The following RIPOR2 variants were observed in gnomAD, a reference collection of about 807,000 sequenced individuals.
The protein encoded by RIPOR2 is RHO family interacting cell polarization regulator 2, also known as rho family-interacting cell polarization regulator 2.
A neutral mutation model predicts 114.5 loss-of-function variants in RIPOR2; 39 were observed. The ratio of observed to expected loss-of-function variants is 0.34; its 90% CI spans 0.26 to 0.44. The LOEUF is 0.44. RIPOR2 is among the 20% of genes least tolerant of loss of function. The pLI, the probability that RIPOR2 is intolerant of heterozygous loss-of-function variation, is 1.00. For missense variants in RIPOR2, 1,007 were observed against 1,255.1 expected, an observed-to-expected ratio of 0.80 and a Z score of 2.99; for synonymous variants, 445 against 484.4, an observed-to-expected ratio of 0.92 and a Z score of 1.07.
chr6:24,848,040 T>G lies in RIPOR2; in HGVS notation c.1149A>C (p.Lys383Asn). ...SQGTPETPTFKDHSFFSNLPD... is the reference protein window; with the variant it reads ...SQGTPETPTFNDHSFFSNLPD... ...CTGAACTTACAAAGAAGGAGTGGTC[T>G]TTGAAGGTGGGCGTTTCCGGGGTAC... is the stretch of plus-strand genomic sequence containing the variant. Residue 383 changes from lysine to asparagine, a missense_variant, in exon 12 of 22, where the codon AAA becomes AAC. Coordinates refer to ENST00000643898, the MANE Select transcript of RIPOR2 (RefSeq NM_001286445.3). The G allele has an allele frequency of 6.2e-7, 1 of 1,613,990 alleles. No individual in the cohort carries two copies. Among genetic ancestry groups the G allele is most frequent in the Non-Finnish European group, 8.5e-7 (1 of 1,179,870 alleles).
At chr6:24,876,924 T>C (rs1399231646) in intron 1 of RIPOR2, 1 of 971,964 alleles carries the variant, frequency 1.0e-6, no homozygotes, top group Non-Finnish European at 1.2e-6. Context: ...CTATTCCTTT[T>C]AGATCAGGAG....
intron 1 of RIPOR2, among the ~76,000 whole-genome samples, chr6:25,009,669 T>C (rs1429982866): frequency 1.3e-5 from 2 of 152,170 alleles, no homozygotes; most frequent in Non-Finnish European, 2.9e-5. Context: ...GAAACCGTGT[T>C]TTAAATGGTG....
intron 1 of RIPOR2, among the ~76,000 whole-genome samples, chr6:25,006,491 A>G (rs1018032979): frequency 3.3e-5 from 5 of 152,076 alleles, no homozygotes; most frequent in African/African-American, 1.2e-4. Flanking sequence ...TTGCCACCTC[A>G]CCCCCACAAA....
chr6:25,040,749 C>T (rs9348660), intron 1 of RIPOR2, among the ~76,000 whole-genome samples: 35,905 of 151,900 alleles, frequency 0.24, 4,855 homozygotes, highest in Admixed American at 0.36. Context: ...TCCACCACCA[C>T]GCCCGGCTAA....
chr6:24,836,265 C>T (rs952316654), intron 14 of RIPOR2, among the ~76,000 whole-genome samples: 26 of 152,208 alleles, frequency 1.7e-4, no homozygotes, highest in Admixed American at 5.9e-4. Flanking sequence ...AAAGGCAATA[C>T]CATTAAGAAA....
At chr6:25,040,608 T>TG (rs71790358) in intron 1 of RIPOR2, among the ~76,000 whole-genome samples, 1 of 145,424 alleles carries the variant, frequency 6.9e-6, no homozygotes, top group Admixed American at 6.8e-5. Context: ...TTTTTTTTTT[T>TG]CGAGACAGAG....
At chr6:24,841,755 C>A (rs1761744125) in intron 13 of RIPOR2, among the ~76,000 whole-genome samples, 1 of 151,852 alleles carries the variant, frequency 6.6e-6, no homozygotes, top group Non-Finnish European at 1.5e-5. Context: ...GTAGTTGGGA[C>A]TACAGGTGTG....
intron 1 of RIPOR2, among the ~76,000 whole-genome samples, chr6:24,911,386 C>A (rs1274015366): frequency 1.3e-5 from 2 of 151,966 alleles, no homozygotes; most frequent in Non-Finnish European, 2.9e-5. Flanking sequence ...AGGAAAGGAG[C>A]CGAGGCAAGG....
chr6:24,860,814 T>C, intron 8 of RIPOR2, among the ~76,000 whole-genome samples, 159 bp downstream of exon 8: 1 of 152,190 alleles, frequency 6.6e-6, no homozygotes, highest in Non-Finnish European at 1.5e-5. Context: ...AGCCTCAGGA[T>C]GAGAAGCATC....
At chr6:24,970,290 T>C (rs1331722925) in intron 1 of RIPOR2, among the ~76,000 whole-genome samples, 1 of 152,182 alleles carries the variant, frequency 6.6e-6, no homozygotes, top group Non-Finnish European at 1.5e-5. Context: ...AAGTCTTCAA[T>C]AAGCCTCTAT....
chr6:24,839,124 G>A lies in RIPOR2; in HGVS notation c.2006C>T (p.Ser669Leu), dbSNP rs1322142992. ...EVCNVGGGAD[S>L]VFSDTETEKH... Reference sequence around the variant, plus strand: ...CTCAGTCTCAGTGTCTGAAAATACTGAGTCAGCACCTCCGCCAACATTACA... The same window carrying A: ...CTCAGTCTCAGTGTCTGAAAATACTAAGTCAGCACCTCCGCCAACATTACA... The change falls in exon 14 of 22, where the codon TCA becomes TTA. Residue 669 changes from serine (S) to leucine (L), a missense_variant. Ser to Leu is a moderately radical substitution (Grantham distance 145). Transcript: ENST00000643898. 2.6e-6 allele frequency: 4 copies of A among 1,551,558 alleles called. No individual in the cohort carries two copies. Among genetic ancestry groups the A allele is most frequent in the Non-Finnish European group, 3.5e-6 (4 of 1,146,914 alleles).
At chr6:24,878,098 C>T (rs529419367) in intron 1 of RIPOR2, among the ~76,000 whole-genome samples, 94 of 152,206 alleles carry the variant, frequency 6.2e-4, no homozygotes, top group Admixed American at 1.9e-3. Flanking sequence ...ACGAAGAGAA[C>T]CAGAAAGTTA....
At chr6:25,028,897 G>T (rs572872761) in intron 1 of RIPOR2, among the ~76,000 whole-genome samples, 39 of 152,344 alleles carry the variant, frequency 2.6e-4, no homozygotes, top group Non-Finnish European at 4.9e-4. Context: ...ATGAGGTAAG[G>T]AAAGGCCCTG....
intron 1 of RIPOR2, among the ~76,000 whole-genome samples, chr6:24,896,517 G>T (rs1400609398): frequency 6.6e-6 from 1 of 152,150 alleles, no homozygotes; most frequent in African/African-American, 2.4e-5. Flanking sequence ...TAACTACTGT[G>T]CATTCTCAAC....
chr6:24,965,384 C>T (rs1773482605), intron 1 of RIPOR2, among the ~76,000 whole-genome samples: 1 of 152,186 alleles, frequency 6.6e-6, no homozygotes, highest in Non-Finnish European at 1.5e-5. Flanking sequence ...ACAATCCTCT[C>T]ACCTCTGCCT....
intron 1 of RIPOR2, chr6:25,031,035 A>G (rs1175988826): frequency 1.3e-5 from 2 of 152,230 alleles, no homozygotes; most frequent in East Asian, 1.9e-4. Context: ...GCTGGAGTGT[A>G]GTGGCTATTC....
intron 13 of RIPOR2, among the ~76,000 whole-genome samples, chr6:24,841,614 CAT>C (rs1246762216): frequency 1.5e-4 from 12 of 77,448 alleles, no homozygotes; most frequent in South Asian, 5.2e-4. Context: ...AAACAATCAC[CAT>C]ATTTTTTTTT....
intron 1 of RIPOR2, among the ~76,000 whole-genome samples, chr6:25,039,110 G>C (rs116301139): frequency 2.5e-3 from 382 of 152,318 alleles, no homozygotes; most frequent in African/African-American, 8.9e-3. Flanking sequence ...TATAACTTGA[G>C]TCCCCAAGTT....
chr6:24,958,268 G>A (rs1400133778), intron 1 of RIPOR2, among the ~76,000 whole-genome samples: 2 of 152,138 alleles, frequency 1.3e-5, no homozygotes, highest in Non-Finnish European at 2.9e-5. Context: ...GTGCAAAGCA[G>A]AATTTGCATA....
Sources: allele counts gnomAD v4.1 joint callset (sites outside exome capture counted in the v4.1 genomes callset), GRCh38; gene constraint gnomAD v4.1.1; transcripts MANE v1.5; gene names NCBI Gene and HGNC (gene_info 2026-07-23, HGNC 2026-07-21).